Variants in FHL1 observed in about 807,000 individuals in gnomAD.
FHL1 encodes the protein four and a half LIM domains protein 1.
Under a neutral mutation model 20.3 loss-of-function variants are expected in FHL1, and 1 was observed. The observed-to-expected ratio is 0.05, with a 90% CI of 0.02 to 0.23. The LOEUF (loss-of-function observed/expected upper bound fraction) is 0.23, where lower values mean the gene tolerates loss of function less well. Among genes scored for constraint, FHL1 ranks in the 10% least tolerant of loss-of-function variants. The pLI is 1.00. For synonymous variants in FHL1, 82 were observed against 88.9 expected (o/e 0.92, Z 0.44); for missense variants, 177 against 234.0 (o/e 0.76, Z 1.59).
At chrX:136,179,993 A>G (rs2073113304) in intron 2 of FHL1, among the ~76,000 whole-genome samples, 1 of 111,806 alleles carries the variant, frequency 8.9e-6, no homozygotes, top group Non-Finnish European at 1.9e-5. Context: ...AGGCATCTGT[A>G]CGCTTTACCC....
chrX:136,170,033 T>C (rs959177177), intron 2 of FHL1: 1 of 322,327 alleles, frequency 3.1e-6, no homozygotes, highest in South Asian at 2.7e-5. Context: ...ACCTTCTAAG[T>C]TGTGGTATTA....
intron 1 of FHL1, among the ~76,000 whole-genome samples, chrX:136,149,408 A>G (rs1179311216): frequency 8.9e-6 from 1 of 112,442 alleles, no homozygotes; most frequent in African/African-American, 3.2e-5. Flanking sequence ...TTGGTTACAT[A>G]AGGTTCCGAT....
rs1206093324 is a variant in FHL1, at chrX:136,211,143, A to C, written c.*1118A>C. On this transcript the variant is annotated 3_prime_UTR_variant, in exon 6 of 6. Coordinates refer to ENST00000370683, the MANE Select transcript of FHL1 (RefSeq NM_001159699.2). The stretch of plus-strand genomic sequence containing the variant: ...TGGATTTCCACCTACCGCTTACCTG[A>C]AATGCAGGATCACCTACTTACTGTA... 1 of 371,699 alleles carries C rather than the reference A, an allele frequency of 2.7e-6. No individual in the cohort carries two copies. Among genetic ancestry groups the C allele is most frequent in the African/African-American group, 2.5e-5 (1 of 39,802 alleles). 30.6% of individuals were successfully genotyped at this position (371,699 alleles called of 1,213,427 possible).
intron 2 of FHL1, among the ~76,000 whole-genome samples, chrX:136,188,085 T>G (rs918565628): frequency 1.8e-5 from 2 of 112,434 alleles, no homozygotes; most frequent in Admixed American, 1.9e-4. Context: ...AGAAATGTTT[T>G]TATTCTAAAA....
intron 1 of FHL1, among the ~76,000 whole-genome samples, chrX:136,198,327 C>G (rs2073613862): frequency 9.0e-6 from 1 of 111,529 alleles, no homozygotes; most frequent in South Asian, 3.7e-4. Flanking sequence ...ATTTTGTTTA[C>G]TAATTAAGTG....
chrX:136,186,178 A>G (rs948460417), intron 2 of FHL1, among the ~76,000 whole-genome samples: 4 of 111,733 alleles, frequency 3.6e-5, no homozygotes, highest in African/African-American at 1.3e-4. Context: ...CATTGTCAGT[A>G]TCGGCGTTTT....
chrX:136,185,644 A>C (rs2073268320), intron 2 of FHL1, among the ~76,000 whole-genome samples: 1 of 112,029 alleles, frequency 8.9e-6, no homozygotes, highest in Admixed American at 9.5e-5. Flanking sequence ...GGCTTCAATT[A>C]GTTATGTGAC....
intron 1 of FHL1, among the ~76,000 whole-genome samples, chrX:136,164,211 AT>A (rs11463803): frequency 2.4e-4 from 24 of 99,463 alleles, no homozygotes; most frequent in South Asian, 1.4e-3. Context: ...AGTGTACTCT[AT>A]TTTTTTTTTT....
chrX:136,185,856 C>T (rs2073274092), intron 2 of FHL1, among the ~76,000 whole-genome samples: 1 of 111,869 alleles, frequency 8.9e-6, no homozygotes, highest in Non-Finnish European at 1.9e-5. Flanking sequence ...TAAGGTCAGA[C>T]CTATGACTCA....
At chrX:136,208,987 A>G (rs1467377421) in intron 5 of FHL1, among the ~76,000 whole-genome samples, 1 of 107,579 alleles carries the variant, frequency 9.3e-6, no homozygotes, top group African/African-American at 3.4e-5. Flanking sequence ...GGGAAGGGGT[A>G]AGGGAGGCCG....
At chrX:136,183,158 ATTAGTTGGGG>A (rs891669741) in intron 2 of FHL1, among the ~76,000 whole-genome samples, 1 of 110,642 alleles carries the variant, frequency 9.0e-6, no homozygotes, top group Non-Finnish European at 1.9e-5. Context: ...TTGGGCAGAG[ATTAGTTGGGG>A]GATGTGGGTG....
chrX:136,173,696 C>CTT (rs971227072), intron 2 of FHL1, among the ~76,000 whole-genome samples: 4 of 94,898 alleles, frequency 4.2e-5, no homozygotes, highest in Non-Finnish European at 6.4e-5. Context: ...TGTTTCTTTT[C>CTT]TTTTTTTTTT....
At position 136,186,873 on chromosome X, in the gene FHL1, T is replaced by A. The variant is rs1200150810; in HGVS notation, c.-27+16893T>A. ...CATCTCAAAAAAAAAAAAATATATA[T>A]ATATATATAGATAGATAGATAGATA... On this transcript the variant is annotated intron_variant, in intron 2 of 6. Coordinates refer to the FHL1 transcript ENST00000394153. Among the ~76,000 whole-genome samples the A allele has an allele frequency of 3.0e-3, 31 of 10,205 alleles. 2 individuals are homozygous for A. In the East Asian group the frequency reaches 0.08, roughly 26 times the overall value. 8.9% of individuals were successfully genotyped at this position (10,205 alleles called of 115,157 possible).
At chrX:136,173,700 T>TC (rs2072930605) in intron 2 of FHL1, among the ~76,000 whole-genome samples, 1 of 106,420 alleles carries the variant, frequency 9.4e-6, no homozygotes, top group African/African-American at 3.4e-5. Context: ...TCTTTTCTTT[T>TC]TTTTTTTTTT....
At chrX:136,150,265 C>T (rs2072231023) in intron 1 of FHL1, among the ~76,000 whole-genome samples, 1 of 112,234 alleles carries the variant, frequency 8.9e-6, no homozygotes, top group Non-Finnish European at 1.9e-5. Flanking sequence ...AAAGTTTGAG[C>T]ATTAAAAAAG....
intron 1 of FHL1, among the ~76,000 whole-genome samples, chrX:136,161,343 C>T (rs902625206): frequency 3.6e-5 from 4 of 111,666 alleles, no homozygotes; most frequent in Non-Finnish European, 7.5e-5. Context: ...AGGAGAGCCT[C>T]AGCATGAAAA....
chrX:136,147,569 C>T (rs1225024033), exon 1 of FHL1: 2 of 109,980 alleles, frequency 1.8e-5, no homozygotes, highest in Admixed American at 9.6e-5. Context: ...GCGCCTCGGC[C>T]TCGGTGCAGG....
At chrX:136,180,313 A>G (rs774242103) in intron 2 of FHL1, among the ~76,000 whole-genome samples, 1 of 112,350 alleles carries the variant, frequency 8.9e-6, no homozygotes, top group South Asian at 3.7e-4. Context: ...AATGAAATCA[A>G]AGAATTGGGG....
chrX:136,182,053 C>G (rs951502213), intron 2 of FHL1, among the ~76,000 whole-genome samples: 5 of 111,525 alleles, frequency 4.5e-5, no homozygotes, highest in South Asian at 7.4e-4. Context: ...AATTTAGGAG[C>G]CTTATTTTAA....
Sources: allele counts gnomAD v4.1 joint callset (sites outside exome capture counted in the v4.1 genomes callset), GRCh38; gene constraint gnomAD v4.1.1; transcripts MANE v1.5; gene names NCBI Gene and HGNC (gene_info 2026-07-23, HGNC 2026-07-21).